Variants in MBP observed in about 807,000 individuals in gnomAD.
MBP encodes the protein Golli-MBP.
A neutral mutation model predicts 35.8 loss-of-function variants in MBP; 16 were observed. That is an observed-to-expected ratio of 0.45 (90% CI 0.30 to 0.68). The LOEUF (loss-of-function observed/expected upper bound fraction) is 0.68, where lower values mean the gene tolerates loss of function less well. Among genes scored for constraint, MBP ranks in the 30% least tolerant of loss-of-function variants. The pLI, the probability that MBP is intolerant of heterozygous loss-of-function variation, is 0.08. For missense variants in MBP, 380 were observed against 404.7 expected (o/e 0.94, Z 0.52); for synonymous variants, 143 against 159.6 (o/e 0.90, Z 0.78).
chr18:77,003,217 T>C (rs1311332520), intron 4 of MBP: 2 of 137,214 alleles, frequency 1.5e-5, no homozygotes, highest in Admixed American at 1.6e-4. Context: ...GACTGACAGA[T>C]GGCATCGTCT....
At chr18:76,997,967 C>G (rs910426379) in intron 4 of MBP, among the ~76,000 whole-genome samples, 19 of 152,198 alleles carry the variant, frequency 1.2e-4, no homozygotes, top group Admixed American at 1.2e-3. Context: ...CAGGCGTGAG[C>G]CACCACGCCC....
intron 2 of MBP, among the ~76,000 whole-genome samples, chr18:77,068,016 C>T (rs1000003982): frequency 2.0e-5 from 3 of 149,624 alleles, no homozygotes; most frequent in Non-Finnish European, 3.0e-5. Flanking sequence ...CCCTCCATCC[C>T]GTGTGTGTGT....
chr18:77,018,355 T>C (rs1285582954), intron 3 of MBP, among the ~76,000 whole-genome samples: 1 of 85,164 alleles, frequency 1.2e-5, no homozygotes, highest in Non-Finnish European at 3.3e-5. Context: ...CATCCATCCA[T>C]ACACATACCC....
chr18:77,007,970 C>T (rs1009401795), intron 4 of MBP, among the ~76,000 whole-genome samples: 1 of 152,164 alleles, frequency 6.6e-6, no homozygotes, highest in Non-Finnish European at 1.5e-5. Context: ...GAGTTTCTTA[C>T]TATGATCTGG....
At chr18:77,122,528 A>G (rs1976919757) in intron 1 of MBP, among the ~76,000 whole-genome samples, 1 of 152,088 alleles carries the variant, frequency 6.6e-6, no homozygotes, top group Non-Finnish European at 1.5e-5. Flanking sequence ...GTTACACTGT[A>G]TTTTGTTTCT....
Position 76,989,982 on chromosome 18 carries a change from G to T in MBP, c.655C>A (p.Pro219Thr), listed in dbSNP as rs1969801064. 2 of 1,612,490 alleles carry T rather than the reference G, an allele frequency of 1.2e-6. No individual in the cohort carries two copies. The highest frequency in any genetic ancestry group is 1.7e-6 in the Non-Finnish European group (2 of 1,179,924). Residue 219 changes from proline to threonine, a missense_variant, in exon 5 of 9, where the codon CCC becomes ACC. Coordinates refer to ENST00000355994, the MANE Select transcript of MBP (RefSeq NM_001025101.2). This position sits in a 1 kb window ranked among gnomAD's most constrained non-coding sequence, Gnocchi z 4.0. ...ATGTTCTTGAAGAAGTGGACTACGG[G>T]GTTTTCATCTTGGGTCCGGCCGTGT... ...KSHGRTQDEN[P>T]VVHFFKNIVT...
At chr18:77,068,541 C>T (rs2144820960) in intron 2 of MBP, among the ~76,000 whole-genome samples, 1 of 152,324 alleles carries the variant, frequency 6.6e-6, no homozygotes, top group Admixed American at 6.5e-5. Flanking sequence ...TTGGAGCACT[C>T]ATTCTGTTTT....
intron 3 of MBP, among the ~76,000 whole-genome samples, chr18:77,043,568 C>T (rs1018849028): frequency 5.3e-5 from 7 of 131,992 alleles, no homozygotes; most frequent in Non-Finnish European, 9.6e-5. Flanking sequence ...TCTCCTGCTG[C>T]GATCATCCCA....
In MBP at chr18:76,988,082, A is replaced by G; in HGVS notation, c.750+413T>C. 2 of 1,480,900 alleles carry G rather than the reference A, an allele frequency of 1.4e-6. No individual in the cohort carries two copies. The highest frequency in any genetic ancestry group is 1.3e-5 in the South Asian group (1 of 75,772). 91.7% of individuals were successfully genotyped at this position (1,480,900 alleles called of 1,614,324 possible). On this transcript the variant is annotated intron_variant, in intron 7 of 8. Coordinates refer to ENST00000355994, the MANE Select transcript of MBP (RefSeq NM_001025101.2). This position sits in a 1 kb window ranked among gnomAD's most constrained non-coding sequence, Gnocchi z 5.2. The stretch of plus-strand genomic sequence containing the variant: ...GCAGAATCATTTTCCCAGTGTCAGC[A>G]TCTGGGGTCACTGAGACGGGCCAGC...
intron 3 of MBP, among the ~76,000 whole-genome samples, chr18:77,041,815 T>C (rs1437502538): frequency 6.8e-6 from 1 of 146,906 alleles, no homozygotes; most frequent in African/African-American, 2.5e-5. Flanking sequence ...CATTAGGAGA[T>C]ATACCTAATG....
Position 77,029,402 on chromosome 18 carries a change from A to G in MBP, c.140-12134T>C, listed in dbSNP as rs1189115545. Among the ~76,000 whole-genome samples the G allele has an allele frequency of 1.5e-3, 196 of 129,464 alleles. 1 individual carries two copies. Among genetic ancestry groups the G allele is most frequent in the African/African-American group, 5.2e-3 (180 of 34,404 alleles). 84.9% of individuals were successfully genotyped at this position (129,464 alleles called of 152,430 possible). On this transcript the variant is annotated intron_variant, in intron 3 of 8. Transcript: ENST00000355994. The stretch of plus-strand genomic sequence containing the variant: ...GCTCGGCATCAGAGGGAGACCGTGG[A>G]AAGAGAGGGAGAGGGAGACCGTGGG...
chr18:77,009,964 T>C lies in MBP; in HGVS notation c.576+6868A>G, dbSNP rs2123402677. On this transcript the variant is annotated intron_variant, in intron 4 of 8. Transcript: ENST00000355994. Reference sequence around the variant, plus strand: ...ACAGAGTGGGCTGCGTGAGTCCGGGTGGGCGCCGCCGGCAATGCCCCAAAG... The same window carrying C: ...ACAGAGTGGGCTGCGTGAGTCCGGGCGGGCGCCGCCGGCAATGCCCCAAAG... 4.8e-6 allele frequency: 7 copies of C among 1,455,534 alleles called. No individual in the cohort carries two copies. In the South Asian group the frequency reaches 8.5e-5, roughly 18 times the overall value. 90.2% of individuals were successfully genotyped at this position (1,455,534 alleles called of 1,614,324 possible). A position where few individuals can be genotyped will look rare whatever the true frequency, so the allele number is the denominator to read the frequency against.
chr18:76,985,329 TC>T, intron 7 of MBP: 1 of 1,291,896 alleles, frequency 7.7e-7, no homozygotes, highest in Non-Finnish European at 1.0e-6. Context: ...TAGGTGCCGG[TC>T]CCCGGAGGCC....
Position 76,989,603 on chromosome 18 carries a change from G to T in MBP, c.681+353C>A. On this transcript the variant is annotated intron_variant, in intron 5 of 8. Coordinates refer to ENST00000355994, the MANE Select transcript of MBP (RefSeq NM_001025101.2). This position sits in a 1 kb window ranked among gnomAD's most constrained non-coding sequence, Gnocchi z 4.0. ...GCTGCCCGAAAAATGCCCTAAAAAT[G>T]CCCTGTGCTCTCTCTGCTGCCCCCT... The T allele has an allele frequency of 3.5e-6, 1 of 284,762 alleles. No homozygotes were observed. The highest frequency in any genetic ancestry group is 3.5e-5 in the South Asian group (1 of 28,548). 17.6% of individuals were successfully genotyped at this position (284,762 alleles called of 1,614,324 possible).
chr18:77,028,851 T>C (rs1283224491), intron 3 of MBP, among the ~76,000 whole-genome samples: 993 of 64,284 alleles, frequency 0.015, 1 homozygote, highest in East Asian at 0.031. Context: ...ACTTCCCAGA[T>C]GTGATGGCGG....
At chr18:76,999,174 G>A (rs1246874) in intron 4 of MBP, among the ~76,000 whole-genome samples, 100,445 of 151,730 alleles carry the variant, frequency 0.66, 35,330 homozygotes, top group Non-Finnish European at 0.78. Context: ...GGTGAGGGGA[G>A]GACGCAAGCT....
chr18:77,067,002 G>T (rs963323148), intron 2 of MBP, among the ~76,000 whole-genome samples: 2 of 152,238 alleles, frequency 1.3e-5, no homozygotes, highest in Admixed American at 6.5e-5. Flanking sequence ...GGCCCGAATG[G>T]CAGTGTGAGC....
intron 2 of MBP, among the ~76,000 whole-genome samples, chr18:77,103,858 G>A (rs778188934): frequency 2.6e-5 from 4 of 152,236 alleles, no homozygotes; most frequent in South Asian, 2.1e-4. Flanking sequence ...CAGGGGAACC[G>A]AAGGCAACGT....
At chr18:77,027,148 C>T (rs1345990991) in intron 3 of MBP, among the ~76,000 whole-genome samples, 3 of 151,930 alleles carry the variant, frequency 2.0e-5, no homozygotes, top group Non-Finnish European at 4.4e-5. Flanking sequence ...GCCTTTGTCT[C>T]GCCACCTCAA....
Sources: allele counts gnomAD v4.1 joint callset (sites outside exome capture counted in the v4.1 genomes callset), GRCh38; gene constraint gnomAD v4.1.1; non-coding constraint Gnocchi (gnomAD v3.1); transcripts MANE v1.5; gene names NCBI Gene and HGNC (gene_info 2026-07-23, HGNC 2026-07-21).